PATL1: variants seen among roughly 807,000 people sequenced by gnomAD.
PATL1 encodes PAT1 homolog 1, processing body mRNA decay factor.
A neutral mutation model predicts 100.6 loss-of-function variants in PATL1; 32 were observed. The ratio of observed to expected loss-of-function variants is 0.32; its 90% confidence interval spans 0.24 to 0.43. The LOEUF is 0.43. Among genes scored for constraint, PATL1 ranks in the 20% least tolerant of loss-of-function variants. PATL1 has a pLI of 1.00. For synonymous variants in PATL1, 332 were observed against 330.0 expected (o/e 1.01, Z -0.07); for missense variants, 747 against 949.9 (o/e 0.79, Z 2.81).
At chr11:59,649,756 T>C (rs966105309) in intron 13 of PATL1, 146 bp from the exon 14 acceptor site, 13 of 858,020 alleles carry the variant, frequency 1.5e-5, no homozygotes, top group Non-Finnish European at 2.2e-5. Context: ...TAGAAAACCA[T>C]ATGAAATAAC....
rs139156970 is a variant in PATL1, at chr11:59,646,928, G to A, written c.1893+826C>T. 3.4e-3 allele frequency among the ~76,000 whole-genome samples: 514 copies of A among 152,082 alleles called. 5 individuals are homozygous for A. The highest frequency in any genetic ancestry group is 0.011 in the African/African-American group (458 of 41,462). On this transcript the variant is annotated intron_variant, in intron 15 of 18. Transcript: ENST00000300146. ...AGATCATGATAAAAATTATTTAAAG[G>A]GCTGGCTCGGGCTGGACACAGTAGC...
intron 5 of PATL1, chr11:59,656,966 G>T: frequency 1.9e-6 from 1 of 524,874 alleles, no homozygotes; most frequent in Non-Finnish European, 2.4e-6. Flanking sequence ...GTCCTATTCT[G>T]AAGCCCCTGT....
In PATL1 at chr11:59,667,768, A is replaced by G. The variant is rs545813108; in HGVS notation, c.16-804T>C. Among the ~76,000 whole-genome samples the G allele has an allele frequency of 1.1e-3, 175 of 152,374 alleles. 1 individual carries two copies. Among genetic ancestry groups the G allele is most frequent in the Non-Finnish European group, 6.0e-4 (41 of 68,038 alleles). On this transcript the variant is annotated intron_variant, in intron 1 of 18. Coordinates refer to ENST00000300146, the MANE Select transcript of PATL1 (RefSeq NM_152716.3). ...GATTATCGAACAAAGGCTAGAGGCCACCACATCCTAGGTGTGTTCTATTTT... is the reference window on the plus strand; with the variant it reads ...GATTATCGAACAAAGGCTAGAGGCCGCCACATCCTAGGTGTGTTCTATTTT...
chr11:59,656,158 TAC>T (rs1181732683), intron 6 of PATL1, 113 bp from the exon 7 acceptor site: 2 of 623,544 alleles, frequency 3.2e-6, no homozygotes, highest in African/African-American at 3.9e-5. Flanking sequence ...ACTCTCAAAT[TAC>T]AGAGTCAAGC....
chr11:59,654,044 T>C lies in PATL1; in HGVS notation c.1060A>G (p.Thr354Ala). The part of the protein sequence containing the change: ...RSQAPMFRPD[T>A]THLHPQHRRL... The stretch of plus-strand genomic sequence containing the variant: ...CGGTGCTGTGGATGGAGGTGAGTTG[T>C]GTCCGGTCTAAACATTGGGGCCTGA... Residue 354 changes from threonine (T) to alanine (A), a missense_variant, in exon 9 of 19, where the codon ACA becomes GCA. Thr to Ala is a moderately conservative substitution (Grantham distance 58). This residue lies in a region of PATL1 where 434 missense variants were observed against 596.1 expected (regional missense o/e 0.73). Coordinates refer to ENST00000300146, the MANE Select transcript of PATL1 (RefSeq NM_152716.3). 6.2e-7 allele frequency: 1 copy of C among 1,613,888 alleles called. No homozygotes were observed. The highest frequency in any genetic ancestry group is 8.5e-7 in the Non-Finnish European group (1 of 1,179,774).
chr11:59,639,267 AAG>A (rs1357842619), intron 17 of PATL1, 23 bp downstream of exon 17: 1 of 1,564,760 alleles, frequency 6.4e-7, no homozygotes, highest in Non-Finnish European at 8.7e-7. Flanking sequence ...AACTTAAAAT[AAG>A]AGAAGAAACA....
intron 9 of PATL1, among the ~76,000 whole-genome samples, chr11:59,653,224 C>T (rs1467820104): frequency 3.3e-5 from 5 of 151,834 alleles, no homozygotes; most frequent in African/African-American, 1.2e-4. Context: ...AAACTAAGAC[C>T]TGAGTACCTT....
chr11:59,642,793 TGC>T, intron 16 of PATL1, 85 bp downstream of exon 16: 1 of 1,380,676 alleles, frequency 7.2e-7, no homozygotes, highest in Admixed American at 2.4e-5. Context: ...TTTCCCAAGT[TGC>T]TAGAGATACA....
intron 4 of PATL1, 83 bp from the exon 5 acceptor site, chr11:59,657,807 T>A: frequency 9.5e-7 from 1 of 1,050,342 alleles, no homozygotes; most frequent in Non-Finnish European, 1.3e-6. Context: ...AAAAATACCT[T>A]AAGAAATTTT....
At chr11:59,646,088 A>G (rs906241047) in intron 15 of PATL1, among the ~76,000 whole-genome samples, 1 of 152,218 alleles carries the variant, frequency 6.6e-6, no homozygotes, top group African/African-American at 2.4e-5. Context: ...CCTGGCACAT[A>G]GAAGTATTCA....
chr11:59,656,681 G>A, intron 5 of PATL1, 81 bp from the exon 6 acceptor site: 2 of 1,201,482 alleles, frequency 1.7e-6, no homozygotes, highest in African/African-American at 1.5e-5. Context: ...TCAAGTACTG[G>A]TAGAGACACG....
At position 59,647,800 on chromosome 11, in the gene PATL1, G is replaced by A. The variant is rs775577219; in HGVS notation, c.1847C>T (p.Thr616Ile). ...TEQAADILMT[T>I]ARNLPFLIKK... The stretch of plus-strand genomic sequence containing the variant: ...GATAAGGAAAGGGAGGTTCCTGGCT[G>A]TTGTCATGAGAATGTCAGCTGCTTG... The change falls in exon 15 of 19, where the codon ACA (threonine) becomes ATA (isoleucine). Residue 616 changes from threonine (T) to isoleucine (I), a missense_variant. By Grantham distance (89) the Thr-to-Ile change is moderately conservative. Around this residue, in one of 4 missense-constraint regions of PATL1, gnomAD observed 434 missense variants for 596.1 expected, o/e 0.73. Coordinates refer to ENST00000300146, the MANE Select transcript of PATL1 (RefSeq NM_152716.3). 6.2e-7 allele frequency: 1 copy of A among 1,613,834 alleles called. No individual in the cohort carries two copies. The highest frequency in any genetic ancestry group is 1.3e-5 in the African/African-American group (1 of 74,916).
At chr11:59,655,414 A>G in intron 8 of PATL1, 109 bp downstream of exon 8, 4 of 1,040,076 alleles carry the variant, frequency 3.8e-6, no homozygotes, top group Non-Finnish European at 5.5e-6. Context: ...GGATCCAATA[A>G]CATCTTAAAA....
intron 12 of PATL1, 34 bp from the exon 13 acceptor site, chr11:59,650,847 TTA>T: frequency 7.1e-7 from 1 of 1,416,596 alleles, no homozygotes; most frequent in Non-Finnish European, 9.6e-7. Context: ...TGCAAATTCT[TTA>T]TCTCTGTTAA....
intron 2 of PATL1, among the ~76,000 whole-genome samples, chr11:59,661,507 C>CA (rs1174499019): frequency 6.6e-6 from 1 of 152,170 alleles, no homozygotes; most frequent in Non-Finnish European, 1.5e-5. Context: ...TTCTAACCCA[C>CA]AAAAAGTATT....
At chr11:59,661,729 G>A (rs926567876) in intron 2 of PATL1, among the ~76,000 whole-genome samples, 3 of 152,128 alleles carry the variant, frequency 2.0e-5, no homozygotes, top group Non-Finnish European at 4.4e-5. Flanking sequence ...GCTGTGTTAA[G>A]TTTTAAACAG....
chr11:59,654,480 C>CA (rs1164106103), intron 8 of PATL1, among the ~76,000 whole-genome samples: 1 of 89,814 alleles, frequency 1.1e-5, no homozygotes, highest in Non-Finnish European at 2.1e-5. Context: ...GACTCTGTCT[C>CA]AAAAACATTA....
At chr11:59,644,873 T>G (rs115343295) in intron 15 of PATL1, among the ~76,000 whole-genome samples, 3,175 of 130,150 alleles carry the variant, frequency 0.024, 120 homozygotes, top group African/African-American at 0.089. Context: ...CTGGACAACA[T>G]AGGGAGACTT....
chr11:59,656,499 CG>C lies in PATL1; in HGVS notation c.722del (p.Pro241ArgfsTer56). 6.2e-7 allele frequency: 1 copy of C among 1,611,796 alleles called. No individual in the cohort carries two copies. ...TTTTGTTAGGCTTAAAGTGACATAC[CG>C]GGACACTGCAGAGCTGGTTTGGAGA... The part of the protein sequence containing the change: ...RMSPNQLCSV[P>X]NSSLLGHPFP... On this transcript the variant is annotated frameshift_variant and splice_region_variant, in exon 6 of 19. Coordinates refer to ENST00000300146, the MANE Select transcript of PATL1 (RefSeq NM_152716.3). LOFTEE classifies it high-confidence loss of function.
Sources: gnomAD v4.1 joint callset for allele counts (sites outside exome capture counted in the v4.1 genomes callset) on GRCh38, gnomAD v4.1.1 for gene constraint, gnomAD v4.1.1 regional missense constraint, MANE v1.5 for transcripts, NCBI Gene and HGNC (gene_info 2026-07-23, HGNC 2026-07-21) for gene names.